The following CSMD1 variants were observed in gnomAD, a reference collection of about 807,000 sequenced individuals.
The protein encoded by CSMD1 is CUB and Sushi multiple domains 1, also known as CUB and sushi domain-containing protein 1.
In CSMD1, 213 loss-of-function variants were observed where a neutral mutation model predicts 417.5. That is an observed-to-expected ratio of 0.51 (90% CI 0.46 to 0.57). The LOEUF is 0.57. CSMD1 is among the 20% of genes least tolerant of loss of function. The pLI is 0.00. For missense variants in CSMD1, 6,923 were observed against 4,529.7 expected, an observed-to-expected ratio of 1.53 and a Z score of -15.17; for synonymous variants, 2,862 against 1,736.8, an observed-to-expected ratio of 1.65 and a Z score of -16.11.
intron 3 of CSMD1, among the ~76,000 whole-genome samples, chr8:4,126,309 T>C (rs1163302707): frequency 1.3e-5 from 2 of 152,204 alleles, no homozygotes; most frequent in Admixed American, 6.5e-5. Flanking sequence ...TGTTGATAAA[T>C]TGGCTCTGTC....
intron 26 of CSMD1, among the ~76,000 whole-genome samples, chr8:3,255,854 G>C (rs1800611873): frequency 6.6e-6 from 1 of 152,200 alleles, no homozygotes; most frequent in Middle Eastern, 3.4e-3. Context: ...GCTCACACTT[G>C]GTGTGCTGCA....
At chr8:2,977,895 G>A (rs1156383292) in intron 55 of CSMD1, among the ~76,000 whole-genome samples, 1 of 152,178 alleles carries the variant, frequency 6.6e-6, no homozygotes, top group Non-Finnish European at 1.5e-5. Flanking sequence ...ATGCCTGTCA[G>A]AATGGCAATT....
At chr8:3,556,073 G>T (rs1035156835) in intron 10 of CSMD1, among the ~76,000 whole-genome samples, 1 of 152,196 alleles carries the variant, frequency 6.6e-6, no homozygotes, top group East Asian at 1.9e-4. Context: ...TCTTAAGTAT[G>T]TATTATTCCA....
chr8:4,062,023 A>G (rs1353977861), intron 3 of CSMD1, among the ~76,000 whole-genome samples: 2 of 152,088 alleles, frequency 1.3e-5, no homozygotes, highest in Admixed American at 6.6e-5. Flanking sequence ...TGGGGAGGAG[A>G]GCACGCAGGT....
intron 3 of CSMD1, among the ~76,000 whole-genome samples, chr8:4,319,598 T>C (rs1175882558): frequency 6.6e-6 from 1 of 152,042 alleles, no homozygotes; most frequent in Non-Finnish European, 1.5e-5. Flanking sequence ...TACAGAGTGG[T>C]GATTCCTGAG....
At chr8:3,305,620 T>C (rs1804773090) in intron 25 of CSMD1, among the ~76,000 whole-genome samples, 1 of 151,990 alleles carries the variant, frequency 6.6e-6, no homozygotes, top group Non-Finnish European at 1.5e-5. Context: ...GCCAATGCCA[T>C]GCCCTTGGAC....
At chr8:2,995,600 C>A (rs971646801) in intron 54 of CSMD1, among the ~76,000 whole-genome samples, 37 of 152,272 alleles carry the variant, frequency 2.4e-4, no homozygotes, top group African/African-American at 8.9e-4. Context: ...GTGTTCATAA[C>A]AGCTCGTAGC....
intron 3 of CSMD1, among the ~76,000 whole-genome samples, chr8:4,402,134 T>G (rs142056527): frequency 1.3e-5 from 2 of 152,256 alleles, no homozygotes; most frequent in African/African-American, 4.8e-5. Flanking sequence ...TTTCATTAAT[T>G]AGTCATATGG....
At chr8:3,593,874 C>G (rs192984476) in intron 8 of CSMD1, among the ~76,000 whole-genome samples, 2 of 152,276 alleles carry the variant, frequency 1.3e-5, no homozygotes, top group African/African-American at 4.8e-5. Flanking sequence ...CTGCCTTCCT[C>G]CATCTTACTT....
In CSMD1 at chr8:3,772,211, CA is replaced by C. The variant is rs1237495805; in HGVS notation, c.819-18170del. On this transcript the variant is annotated intron_variant, in intron 5 of 69. Transcript: ENST00000635120. ...ATATACACACACACACACACACACA[CA>C]CACATATAATACACACACATATTTA... Among the ~76,000 whole-genome samples the C allele has an allele frequency of 9.3e-5, 13 of 139,524 alleles. 1 individual carries two copies. The highest frequency in any genetic ancestry group is 2.9e-4 in the African/African-American group (11 of 38,414). The allele number at this position is 139,524 out of a possible 152,430, so 91.5% of individuals were successfully genotyped here. A position where few individuals can be genotyped will look rare whatever the true frequency, so the allele number is the denominator to read the frequency against.
intron 1 of CSMD1, among the ~76,000 whole-genome samples, chr8:4,674,238 G>A (rs1805531602): frequency 6.6e-6 from 1 of 152,302 alleles, no homozygotes; most frequent in African/African-American, 2.4e-5. Flanking sequence ...TGGACCTAGT[G>A]GTCCTGAGTT....
intron 47 of CSMD1, among the ~76,000 whole-genome samples, chr8:3,092,582 C>T (rs1257520590): frequency 2.6e-5 from 4 of 152,104 alleles, no homozygotes; most frequent in African/African-American, 7.2e-5. Context: ...TGACAAAGCC[C>T]TGAAATTCAT....
rs143340724 is a variant in CSMD1 at position 4,824,923 on chromosome 8, G to A, written c.85+169409C>T. 2.8e-3 allele frequency among the ~76,000 whole-genome samples: 430 copies of A among 152,184 alleles called. 3 individuals carry two copies. Among genetic ancestry groups the A allele is most frequent in the African/African-American group, 9.7e-3 (403 of 41,546 alleles). ...CTGTTACTGCTACACAAATGCTAAC[G>A]TAAAGCCAAGACATTTCTCGGGAAT... On this transcript the variant is annotated intron_variant, in intron 1 of 69. Transcript: ENST00000635120.
chr8:3,526,924 C>G (rs1014875595), intron 10 of CSMD1, among the ~76,000 whole-genome samples: 5 of 152,086 alleles, frequency 3.3e-5, no homozygotes, highest in Non-Finnish European at 5.9e-5. Flanking sequence ...CTAATGGTGT[C>G]CAGGGGATAA....
chr8:4,557,681 A>C (rs1585246587), intron 2 of CSMD1, among the ~76,000 whole-genome samples: 1 of 152,122 alleles, frequency 6.6e-6, no homozygotes, highest in Non-Finnish European at 1.5e-5. Flanking sequence ...CAAGGAAGAA[A>C]GGAATAGAAG....
At chr8:3,902,067 T>A (rs368170305) in intron 5 of CSMD1, among the ~76,000 whole-genome samples, 4 of 152,220 alleles carry the variant, frequency 2.6e-5, no homozygotes. Context: ...TACAGATTGT[T>A]GCCAGATTCC....
At chr8:3,155,808 A>T (rs1233096570) in intron 39 of CSMD1, among the ~76,000 whole-genome samples, 5 of 152,218 alleles carry the variant, frequency 3.3e-5, no homozygotes, top group African/African-American at 1.2e-4. Flanking sequence ...GTAAGCAACT[A>T]TGATGTAGTG....
intron 3 of CSMD1, among the ~76,000 whole-genome samples, chr8:4,387,064 C>T (rs747163521): frequency 1.5e-4 from 23 of 152,000 alleles, no homozygotes; most frequent in East Asian, 5.8e-4. Flanking sequence ...AAACATAAAA[C>T]GGATGCACAG....
chr8:3,981,515 A>T (rs141440959), intron 5 of CSMD1, among the ~76,000 whole-genome samples: 2 of 148,414 alleles, frequency 1.3e-5, no homozygotes, highest in Non-Finnish European at 3.0e-5. Context: ...AAAAAAAAAA[A>T]AAAAAAAAAA....
Sources: gnomAD v4.1 joint callset for allele counts (sites outside exome capture counted in the v4.1 genomes callset) on GRCh38, gnomAD v4.1.1 for gene constraint, MANE v1.5 for transcripts, NCBI Gene and HGNC (gene_info 2026-07-23, HGNC 2026-07-21) for gene names.